Variants in CDCP2 observed in about 807,000 individuals in gnomAD.
CDCP2 encodes CUB domain containing protein 2.
CDCP2 carries 31 observed loss-of-function variants against 31.0 expected under a neutral mutation model. The observed-to-expected ratio is 1.00, with a 90% CI of 0.75 to 1.35. The LOEUF (loss-of-function observed/expected upper bound fraction) is 1.35. Among genes scored for constraint, CDCP2 ranks in the 40% most tolerant of loss-of-function variants. CDCP2 has a pLI of 0.00. For synonymous variants in CDCP2, 206 were observed against 207.9 expected (o/e 0.99, Z 0.08); for missense variants, 443 against 482.6 (o/e 0.92, Z 0.77).
intron 1 of CDCP2, among the ~76,000 whole-genome samples, chr1:54,149,462 G>A (rs1659537832): frequency 6.6e-6 from 1 of 152,058 alleles, no homozygotes. Context: ...TGATTGATGG[G>A]GACGTAGGGA....
intron 1 of CDCP2, among the ~76,000 whole-genome samples, chr1:54,151,673 G>T (rs1267073607): frequency 6.6e-6 from 1 of 152,166 alleles, no homozygotes; most frequent in East Asian, 1.9e-4. Flanking sequence ...GACTGGCAAG[G>T]TACAATTCCT....
intron 5 of CDCP2, among the ~76,000 whole-genome samples, chr1:54,133,864 C>A (rs1317814261): frequency 7.1e-6 from 1 of 141,424 alleles, no homozygotes; most frequent in Non-Finnish European, 1.5e-5. Context: ...CCACTGCACT[C>A]CAGCCTGTGG....
rs980186755 is a variant in CDCP2, at chr1:54,146,949, G to T, written c.80-2136C>A. ...AAATTAGCTGGGTGTGGTGGTGCAC[G>T]CCTGTAATCCCAGCTTCTCAGGAGG... On this transcript the variant is annotated intron_variant, in intron 1 of 5. Coordinates refer to ENST00000530059, the Ensembl canonical transcript of CDCP2. 3.8e-4 allele frequency among the ~76,000 whole-genome samples: 57 copies of T among 151,244 alleles called. 2 individuals carry two copies. Among genetic ancestry groups the T allele is most frequent in the African/African-American group, 1.4e-3 (55 of 40,738 alleles).
At chr1:54,139,472 G>A (rs766579257) in intron 4 of CDCP2, 2 of 1,458,600 alleles carry the variant, frequency 1.4e-6, no homozygotes, top group South Asian at 2.5e-5. Context: ...GAGGGGCCAG[G>A]GGCCCAGGGG....
At chr1:54,146,416 G>A (rs1659471975) in intron 1 of CDCP2, among the ~76,000 whole-genome samples, 1 of 151,776 alleles carries the variant, frequency 6.6e-6, no homozygotes, top group African/African-American at 2.4e-5. Flanking sequence ...CTGACCTCAA[G>A]TTATCCGCCT....
chr1:54,146,679 G>A (rs938412971), intron 1 of CDCP2, among the ~76,000 whole-genome samples: 3 of 151,806 alleles, frequency 2.0e-5, no homozygotes, highest in Admixed American at 1.3e-4. Flanking sequence ...AGATGAACAA[G>A]GCTCTTTAGA....
intron 3 of CDCP2, 188 bp from the exon 4 acceptor site, chr1:54,140,294 C>T (rs1428359560): frequency 3.4e-5 from 21 of 610,548 alleles, no homozygotes; most frequent in Admixed American, 5.6e-5. Context: ...GATCCCAAAG[C>T]TTGTTTTAAA....
intron 5 of CDCP2, among the ~76,000 whole-genome samples, chr1:54,134,227 G>A (rs1298780583): frequency 1.3e-5 from 2 of 152,204 alleles, no homozygotes; most frequent in Non-Finnish European, 2.9e-5. Context: ...TTTGTCCCCG[G>A]TGCTGTATGG....
chr1:54,144,747 A>C, exon 2 of CDCP2: 1 of 1,614,190 alleles, frequency 6.2e-7, no homozygotes, highest in Non-Finnish European at 8.5e-7. Context: ...GTAGGGGTAC[A>C]GTCTAGGGAA....
chr1:54,144,609 G>A (rs1659429705), exon 2 of CDCP2: 6 of 1,614,102 alleles, frequency 3.7e-6, no homozygotes, highest in Non-Finnish European at 5.1e-6. Flanking sequence ...CTTGTCTGGT[G>A]AGGCCCCATT....
exon 3 of CDCP2, chr1:54,141,355 A>G (rs1490467174): frequency 7.4e-6 from 12 of 1,614,016 alleles, no homozygotes; most frequent in South Asian, 1.1e-5. Flanking sequence ...GTGGCACTCC[A>G]TGCTGTTCGG....
At chr1:54,152,656 T>C (rs1423115837) in intron 1 of CDCP2, among the ~76,000 whole-genome samples, 188 bp downstream of exon 1, 1 of 152,218 alleles carries the variant, frequency 6.6e-6, no homozygotes, top group Non-Finnish European at 1.5e-5. Flanking sequence ...ATGTGAAACA[T>C]GCAACACACG....
At chr1:54,152,924 T>C, upstream of CDCP2, 1 of 1,614,044 alleles carries the variant, frequency 6.2e-7, no homozygotes, top group Non-Finnish European at 8.5e-7. Flanking sequence ...TGCCAGCATC[T>C]CCTCACCAGG....
At chr1:54,139,659 C>A (rs746893623) in intron 4 of CDCP2, 94 bp downstream of exon 4, 6 of 1,612,690 alleles carry the variant, frequency 3.7e-6, no homozygotes, top group Non-Finnish European at 4.2e-6. Flanking sequence ...GGGGGCAGGA[C>A]AAACTGGTGG....
chr1:54,142,707 G>A (rs1232892507), intron 2 of CDCP2: 1 of 152,240 alleles, frequency 6.6e-6, no homozygotes, highest in Non-Finnish European at 1.5e-5. Flanking sequence ...ACTTTAGGAA[G>A]GCCCTCTCAG....
chr1:54,140,499 AGCAT>A (rs2100423353), intron 3 of CDCP2: 1 of 305,836 alleles, frequency 3.3e-6, no homozygotes, highest in East Asian at 9.8e-5. Context: ...ATGTACTATG[AGCAT>A]ACCAAACACT....
chr1:54,151,938 C>T (rs78629114), intron 1 of CDCP2, among the ~76,000 whole-genome samples: 10,576 of 152,138 alleles, frequency 0.07, 519 homozygotes, highest in East Asian at 0.25. Flanking sequence ...GGAAAAAAGA[C>T]TTTCCAGACA....
chr1:54,139,539 G>C, intron 4 of CDCP2: 1 of 1,613,662 alleles, frequency 6.2e-7, no homozygotes, highest in Non-Finnish European at 8.5e-7. Flanking sequence ...GGGGAAGGAG[G>C]CTCTGCAATA....
chr1:54,142,623 G>A (rs1009274530), intron 2 of CDCP2: 7 of 152,244 alleles, frequency 4.6e-5, no homozygotes, highest in South Asian at 4.1e-4. Flanking sequence ...CCTATGGCAC[G>A]GCTGTGTGAC....
Sources: gnomAD v4.1 joint callset for allele counts (sites outside exome capture counted in the v4.1 genomes callset) on GRCh38, gnomAD v4.1.1 for gene constraint, MANE v1.5 for transcripts, NCBI Gene and HGNC (gene_info 2026-07-23, HGNC 2026-07-21) for gene names.